The following TCF12 variants were observed in gnomAD, a reference collection of about 807,000 sequenced individuals.
TCF12 encodes DNA-binding protein HTF4.
In TCF12, 45 loss-of-function variants were observed where a neutral mutation model predicts 86.0. The observed-to-expected ratio is 0.52, with a 90% CI of 0.41 to 0.67. The LOEUF (loss-of-function observed/expected upper bound fraction) is 0.67. TCF12 is among the 30% of genes least tolerant of loss of function. TCF12 has a pLI of 0.00. For synonymous variants in TCF12, 330 were observed against 299.6 expected, an observed-to-expected ratio of 1.10 and a Z score of -1.05; for missense variants, 881 against 859.9, an observed-to-expected ratio of 1.02 and a Z score of -0.31.
At chr15:57,114,935 A>C (rs1397792461) in intron 5 of TCF12, among the ~76,000 whole-genome samples, 13 of 151,014 alleles carry the variant, frequency 8.6e-5, no homozygotes, top group Non-Finnish European at 1.9e-4. Flanking sequence ...TTTTTTTGGT[A>C]ATGCAACAAG....
chr15:56,963,666 G>C (rs1241428841), intron 3 of TCF12, among the ~76,000 whole-genome samples: 2 of 152,176 alleles, frequency 1.3e-5, no homozygotes, highest in Non-Finnish European at 2.9e-5. Context: ...AATATGAAAG[G>C]AGGTTCCTAC....
chr15:57,275,859 A>C (rs1214651359), intron 19 of TCF12, among the ~76,000 whole-genome samples: 2 of 152,186 alleles, frequency 1.3e-5, no homozygotes, highest in Non-Finnish European at 2.9e-5. Context: ...AGTTCATCCC[A>C]GAGAAGAGTG....
intron 3 of TCF12, among the ~76,000 whole-genome samples, chr15:56,947,328 A>G (rs1201204503): frequency 1.3e-5 from 2 of 152,096 alleles, no homozygotes; most frequent in African/African-American, 4.8e-5. Context: ...TCTTAGTAAT[A>G]TAGCGGGACT....
intron 3 of TCF12, among the ~76,000 whole-genome samples, chr15:56,922,664 G>A (rs2059844275): frequency 6.6e-6 from 1 of 151,974 alleles, no homozygotes; most frequent in African/African-American, 2.4e-5. Flanking sequence ...TCCATTGAAA[G>A]GTTTGAACTT....
At chr15:57,118,452 A>C (rs1463250096) in intron 5 of TCF12, 1 of 151,896 alleles carries the variant, frequency 6.6e-6, no homozygotes, top group Non-Finnish European at 1.5e-5. Flanking sequence ...TCTTCATTTG[A>C]AATATCTTTT....
At chr15:56,944,941 A>G (rs1334327141) in intron 3 of TCF12, among the ~76,000 whole-genome samples, 3 of 152,202 alleles carry the variant, frequency 2.0e-5, no homozygotes, top group African/African-American at 7.2e-5. Context: ...GAATATTGAT[A>G]TCTTAACAAT....
At chr15:57,250,298 G>A (rs1330743142) in intron 13 of TCF12, among the ~76,000 whole-genome samples, 1 of 152,090 alleles carries the variant, frequency 6.6e-6, no homozygotes, top group Non-Finnish European at 1.5e-5. Flanking sequence ...CTTTGATTCA[G>A]AAATGCTACT....
Position 57,082,889 on chromosome 15 carries a change from G to T in TCF12, c.223-8900G>T, listed in dbSNP as rs553482364. Among the ~76,000 whole-genome samples the T allele has an allele frequency of 2.0e-5, 3 of 152,208 alleles. No individual in the cohort carries two copies. In the East Asian group the frequency reaches 5.8e-4, roughly 29 times the overall value. On this transcript the variant is annotated intron_variant, in intron 4 of 20. Coordinates refer to ENST00000333725, the MANE Select transcript of TCF12 (RefSeq NM_207037.2). Reference sequence around the variant, plus strand: ...TAAAATGTTTATAACAACCTTATTTGTAATAGGGAGAAATTGGAGGCAAGC... The same window carrying T: ...TAAAATGTTTATAACAACCTTATTTTTAATAGGGAGAAATTGGAGGCAAGC...
intron 3 of TCF12, among the ~76,000 whole-genome samples, chr15:56,993,666 A>G (rs1295913681): frequency 6.6e-6 from 1 of 152,224 alleles, no homozygotes; most frequent in Admixed American, 6.5e-5. Flanking sequence ...GGACAAATTC[A>G]GATGGCACAG....
chr15:57,104,125 C>G (rs555544076), intron 5 of TCF12, among the ~76,000 whole-genome samples: 1 of 151,874 alleles, frequency 6.6e-6, no homozygotes, highest in Non-Finnish European at 1.5e-5. Context: ...ATTATAAAAT[C>G]TAAAGAATAT....
intron 8 of TCF12, chr15:57,214,149 G>C (rs2058234785): frequency 6.6e-6 from 1 of 152,204 alleles, no homozygotes; most frequent in Non-Finnish European, 1.5e-5. Flanking sequence ...GGGGCAGGGG[G>C]ACCCCCCCTC....
chr15:57,195,556 G>A (rs1398664211), intron 7 of TCF12, among the ~76,000 whole-genome samples: 1 of 152,144 alleles, frequency 6.6e-6, no homozygotes, highest in Non-Finnish European at 1.5e-5. Flanking sequence ...CTGTTTTAAG[G>A]AAATATAGGC....
chr15:57,136,013 G>C (rs1596735088), intron 5 of TCF12, among the ~76,000 whole-genome samples: 2 of 151,348 alleles, frequency 1.3e-5, no homozygotes, highest in Admixed American at 1.3e-4. Flanking sequence ...AAATAATTTA[G>C]ATCTTCATTT....
At chr15:56,989,735 G>T (rs1346968044) in intron 3 of TCF12, among the ~76,000 whole-genome samples, 1 of 152,128 alleles carries the variant, frequency 6.6e-6, no homozygotes, top group Admixed American at 6.6e-5. Flanking sequence ...TGTCTCCCTA[G>T]TAGAAGTATT....
At chr15:57,129,011 G>A (rs1942157540) in intron 5 of TCF12, among the ~76,000 whole-genome samples, 1 of 152,118 alleles carries the variant, frequency 6.6e-6, no homozygotes, top group Admixed American at 6.5e-5. Flanking sequence ...ACAAGTTTTT[G>A]TATGGACGTA....
At chr15:57,084,380 A>G (rs1355607405) in intron 4 of TCF12, among the ~76,000 whole-genome samples, 1 of 152,144 alleles carries the variant, frequency 6.6e-6, no homozygotes, top group Non-Finnish European at 1.5e-5. Flanking sequence ...GATTTGATGT[A>G]GTGCTAGTGA....
In TCF12 at chr15:56,919,950, A is replaced by G. The variant is rs2059705220; in HGVS notation, c.37A>G (p.Thr13Ala). Reference protein sequence around the residue: ...PQQQRMAAIGTDKELSDLLDF... With the variant: ...PQQQRMAAIGADKELSDLLDF... ...GCAACAACGCATGGCCGCTATAGGG[A>G]CCGACAAGGAGCTGAGCGACCTACT... The change falls in exon 2 of 21, where the codon ACC becomes GCC. Residue 13 changes from threonine to alanine, a missense_variant. By Grantham distance (58) the Thr-to-Ala change is moderately conservative. Transcript: ENST00000333725. 4 of 1,614,022 alleles carry G rather than the reference A, an allele frequency of 2.5e-6. No homozygotes were observed. Among genetic ancestry groups the G allele is most frequent in the Non-Finnish European group, 3.4e-6 (4 of 1,179,980 alleles).
chr15:56,974,579 A>T (rs1459174766), intron 3 of TCF12, among the ~76,000 whole-genome samples: 1 of 152,080 alleles, frequency 6.6e-6, no homozygotes, highest in Non-Finnish European at 1.5e-5. Context: ...TCTTTGAGAG[A>T]TACTGTGCAA....
chr15:57,290,977 C>G (rs1567063677), downstream of TCF12: 1 of 152,176 alleles, frequency 6.6e-6, no homozygotes, highest in Non-Finnish European at 1.5e-5. Context: ...CTAAAAATTG[C>G]AGTTCCTTCT....
Sources: gnomAD v4.1 joint callset for allele counts (sites outside exome capture counted in the v4.1 genomes callset) on GRCh38, gnomAD v4.1.1 for gene constraint, MANE v1.5 for transcripts, NCBI Gene and HGNC (gene_info 2026-07-23, HGNC 2026-07-21) for gene names.